The following IVD variants were observed in gnomAD, a reference collection of about 807,000 sequenced individuals.
IVD encodes isovaleryl-CoA dehydrogenase, also known as isovaleryl-CoA dehydrogenase, mitochondrial.
In IVD, 31 loss-of-function variants were observed where a neutral mutation model predicts 51.3. The observed-to-expected ratio is 0.60, with a 90% CI of 0.45 to 0.81. The LOEUF is 0.81. Ranked by LOEUF, IVD falls within the 40% of genes least tolerant of loss-of-function variation. IVD has a pLI of 0.00. For synonymous variants in IVD, 205 were observed against 219.4 expected, an observed-to-expected ratio of 0.93 and a Z score of 0.58; for missense variants, 475 against 552.0, an observed-to-expected ratio of 0.86 and a Z score of 1.40.
chr15:40,411,380 A>G, intron 5 of IVD, 27 bp downstream of exon 5: 1 of 1,611,548 alleles, frequency 6.2e-7, no homozygotes, highest in Non-Finnish European at 8.5e-7. Flanking sequence ...CTTGGGAGCC[A>G]AAATGGGCAG....
At chr15:40,411,497 T>C in intron 5 of IVD, 58 bp from the exon 6 acceptor site, 1 of 1,612,848 alleles carries the variant, frequency 6.2e-7, no homozygotes, top group African/African-American at 1.3e-5. Flanking sequence ...AGAAGGTCTA[T>C]GGCCTGGCTG....
At chr15:40,425,296 CAT>C (rs1241840363), downstream of IVD, among the ~76,000 whole-genome samples, 1 of 152,080 alleles carries the variant, frequency 6.6e-6, no homozygotes, top group African/African-American at 2.4e-5. Context: ...CCCTCCTTGA[CAT>C]ATTCTCCCCA....
At chr15:40,429,852 A>C (rs1003761767) in intron 7 of IVD, among the ~76,000 whole-genome samples, 4 of 152,236 alleles carry the variant, frequency 2.6e-5, no homozygotes, top group African/African-American at 9.6e-5. Context: ...TGGACTGCCG[A>C]AGCCAGAACT....
Position 40,420,313 on chromosome 15 carries a change from C to G in IVD, c.*2050C>G, listed in dbSNP as rs1206770743. 1 of 987,700 alleles carries G rather than the reference C, an allele frequency of 1.0e-6. No individual in the cohort carries two copies. Among genetic ancestry groups the G allele is most frequent in the Non-Finnish European group, 1.2e-6 (1 of 830,170 alleles). 61.2% of individuals were successfully genotyped at this position (987,700 alleles called of 1,614,324 possible). A position where few individuals can be genotyped will look rare whatever the true frequency, so the allele number is the denominator to read the frequency against. On this transcript the variant is annotated 3_prime_UTR_variant, in exon 12 of 12. Transcript: ENST00000487418. ...CTGGGCAGCAGGCACAGGCCCTACCCGAGCAGGCCGGAGTTGGCTCGCATG... is the reference window on the plus strand; with the variant it reads ...CTGGGCAGCAGGCACAGGCCCTACCGGAGCAGGCCGGAGTTGGCTCGCATG...
rs567574251 is a variant in IVD, at chr15:40,412,278, T to G, written c.687+587T>G. Reference sequence around the variant, plus strand: ...AGAAGAGAGAAGGATGGGTTACAGGTGATGGTGCAGGAACCACTTGCCTAA... The same window carrying G: ...AGAAGAGAGAAGGATGGGTTACAGGGGATGGTGCAGGAACCACTTGCCTAA... On this transcript the variant is annotated intron_variant, in intron 6 of 11. Transcript: ENST00000487418. 2.0e-5 allele frequency among the ~76,000 whole-genome samples: 3 copies of G among 151,856 alleles called. No individual in the cohort carries two copies. The South Asian group carries it at 6.3e-4, about 32-fold the overall frequency.
chr15:40,431,000 T>C (rs1434245335), intron 7 of IVD, among the ~76,000 whole-genome samples: 1 of 152,210 alleles, frequency 6.6e-6, no homozygotes, highest in Non-Finnish European at 1.5e-5. Flanking sequence ...TTGAATGAGT[T>C]GCTAACAGAC....
In IVD at chr15:40,409,768, T is replaced by C. The variant is rs527663390; in HGVS notation, c.287-860T>C. On this transcript the variant is annotated intron_variant, in intron 3 of 11. Coordinates refer to ENST00000487418, the MANE Select transcript of IVD (RefSeq NM_002225.5). The stretch of plus-strand genomic sequence containing the variant: ...CCAGCATCTCATCTGCCCTCTGCTG[T>C]ACAGCTCACCTCAAGATTTTCCCTG... Among the ~76,000 whole-genome samples the C allele has an allele frequency of 1.3e-3, 198 of 152,144 alleles. 1 individual carries two copies. The highest frequency in any genetic ancestry group is 4.7e-3 in the African/African-American group (194 of 41,508).
chr15:40,416,290 G>C lies in IVD; in HGVS notation c.1066G>C (p.Asp356His). 1 of 1,614,236 alleles carries C rather than the reference G, an allele frequency of 6.2e-7. No homozygotes were observed. Residue 356 changes from aspartate to histidine, a missense_variant and splice_region_variant, in exon 11 of 12, where the codon GAC (aspartate) becomes CAC (histidine). By Grantham distance (81) the Asp-to-His change is moderately conservative (BLOSUM62 -1). Coordinates refer to ENST00000487418, the MANE Select transcript of IVD (RefSeq NM_002225.5). Reference sequence around the variant, plus strand: ...TGCTGACCCCAGCTTCCTCCCGTAGGACTGTGCAGGTGTGATTCTTTACTC... The same window carrying C: ...TGCTGACCCCAGCTTCCTCCCGTAGCACTGTGCAGGTGTGATTCTTTACTC... ...ACDEGHCTAK[D>H]CAGVILYSAE... is the part of the protein sequence containing the mutation.
In IVD at chr15:40,421,222, T is replaced by A; in HGVS notation, c.*2959T>A. On this transcript the variant is annotated 3_prime_UTR_variant, in exon 12 of 12. Transcript: ENST00000487418. ...CTTCATCCAGTCTGTCTAAGCCCTG[T>A]CGACTTGGGGAGGTGATTTCTTTCC... The A allele has an allele frequency of 7.1e-6, 7 of 985,462 alleles. No individual in the cohort carries two copies. Among genetic ancestry groups the A allele is most frequent in the Non-Finnish European group, 8.4e-6 (7 of 829,928 alleles). The allele number at this position is 985,462 out of a possible 1,614,324, so 61.0% of individuals were successfully genotyped here.
In IVD at chr15:40,420,528, G is replaced by T. The variant is rs1595806261; in HGVS notation, c.*2265G>T. On this transcript the variant is annotated 3_prime_UTR_variant, in exon 12 of 12. Coordinates refer to ENST00000487418, the MANE Select transcript of IVD (RefSeq NM_002225.5). ...TGTCCTTGGAGAGTGGCTGGCCCAG[G>T]TCCTATTCCTGTCCTCCAGCCCGTT... The T allele has an allele frequency of 1.0e-6, 1 of 987,648 alleles. No individual in the cohort carries two copies. Among genetic ancestry groups the T allele is most frequent in the Non-Finnish European group, 1.2e-6 (1 of 830,136 alleles). 61.2% of individuals were successfully genotyped at this position (987,648 alleles called of 1,614,324 possible). A position where few individuals can be genotyped will look rare whatever the true frequency, so the allele number is the denominator to read the frequency against.
chr15:40,407,682 A>G lies in IVD; in HGVS notation c.191A>G (p.Lys64Arg), dbSNP rs1890593044. Residue 64 changes from lysine (K) to arginine (R), a missense_variant, in exon 2 of 12, where the codon AAG becomes AGG. By Grantham distance (26) the Lys-to-Arg change is conservative. Coordinates refer to ENST00000487418, the MANE Select transcript of IVD (RefSeq NM_002225.5). ...TTCCTTCAGGAGCACCTGGCCCCCA[A>G]GGCCCAGGAGATCGATCGCAGCAAT... The part of the protein sequence containing the change: ...AKFLQEHLAP[K>R]AQEIDRSNEF... 6.2e-7 allele frequency: 1 copy of G among 1,614,180 alleles called. No homozygotes were observed. The highest frequency in any genetic ancestry group is 8.5e-7 in the Non-Finnish European group (1 of 1,180,022).
At position 40,415,489 on chromosome 15, in the gene IVD, C is replaced by T. The variant is rs113361784; in HGVS notation, c.960+7C>T. ...GAAGATCGGCCACTTCCAGGTGAGC[C>T]GAGTGCTTTTGCTGACATGTACTCT... is the stretch of plus-strand genomic sequence containing the variant. On this transcript the variant is annotated splice_region_variant and intron_variant, in intron 9 of 11. Transcript: ENST00000487418. 33 of 1,613,126 alleles carry T rather than the reference C, an allele frequency of 2.0e-5. 1 individual carries two copies. The highest frequency in any genetic ancestry group is 1.6e-4 in the African/African-American group (12 of 75,024).
In IVD at chr15:40,405,843, C is replaced by T. The variant is rs781264248; in HGVS notation, c.16C>T (p.Arg6Trp). Residue 6 changes from arginine (R) to tryptophan (W), a missense_variant, in exon 1 of 12, where the codon CGG becomes TGG. Coordinates refer to ENST00000487418, the MANE Select transcript of IVD (RefSeq NM_002225.5). MATAT[R>W]LLGWRVASWR... is the part of the protein sequence containing the mutation. Reference sequence around the variant, plus strand: ...CATGGCAGAGATGGCGACTGCGACTCGGCTGCTGGGGTGGCGTGTGGCGAG... The same window carrying T: ...CATGGCAGAGATGGCGACTGCGACTTGGCTGCTGGGGTGGCGTGTGGCGAG... 8 of 1,612,282 alleles carry T rather than the reference C, an allele frequency of 5.0e-6. No homozygotes were observed. Among genetic ancestry groups the T allele is most frequent in the South Asian group, 3.3e-5 (3 of 90,986 alleles).
At position 40,420,400 on chromosome 15, in the gene IVD, C is replaced by T. The variant is rs1183922460; in HGVS notation, c.*2137C>T. ...TACCCTATGGCTAATTTTGTTATAA[C>T]TGCACAGTGGCTGCTGCCATTTTGT... On this transcript the variant is annotated 3_prime_UTR_variant, in exon 12 of 12. Coordinates refer to ENST00000487418, the MANE Select transcript of IVD (RefSeq NM_002225.5). The T allele has an allele frequency of 3.0e-6, 3 of 987,544 alleles. No homozygotes were observed. Among genetic ancestry groups the T allele is most frequent in the South Asian group, 4.7e-5 (1 of 21,388 alleles). The allele number at this position is 987,544 out of a possible 1,614,324, so 61.2% of individuals were successfully genotyped here.
intron 7 of IVD, chr15:40,433,809 G>T (rs748267217): frequency 5.5e-5 from 25 of 456,304 alleles, no homozygotes; most frequent in Non-Finnish European, 1.1e-4. Context: ...ACCTAGAAGA[G>T]CCCACAAACT....
At chr15:40,410,368 A>C (rs1890935323) in intron 3 of IVD, among the ~76,000 whole-genome samples, 1 of 152,108 alleles carries the variant, frequency 6.6e-6, no homozygotes, top group Non-Finnish European at 1.5e-5. Flanking sequence ...TATCTTCATC[A>C]AGAAGTCTGT....
rs370375310 is a variant in IVD, at chr15:40,410,602, A to G, written c.287-26A>G. On this transcript the variant is annotated intron_variant, in intron 3 of 11. Coordinates refer to ENST00000487418, the MANE Select transcript of IVD (RefSeq NM_002225.5). ...CGATTTAATCTGGGCTGCGTTTTCC[A>G]CTCCCTTGTACCACACCACTCACAG... 2.5e-4 allele frequency: 398 copies of G among 1,613,700 alleles called. 1 individual carries two copies. The highest frequency in any genetic ancestry group is 1.9e-3 in the Middle Eastern group (11 of 5,916).
At chr15:40,410,537 T>C in intron 3 of IVD, 91 bp from the exon 4 acceptor site, 1 of 1,458,584 alleles carries the variant, frequency 6.9e-7, no homozygotes, top group South Asian at 1.1e-5. Flanking sequence ...ACAAGGTGCT[T>C]CCCTTCTGCC....
At chr15:40,416,664 T>C (rs1292819659) in intron 11 of IVD, among the ~76,000 whole-genome samples, 3 of 152,074 alleles carry the variant, frequency 2.0e-5, no homozygotes, top group African/African-American at 7.2e-5. Context: ...ACCATTGCAC[T>C]CCAGCCTAGG....
Sources: gnomAD v4.1 joint callset for allele counts (sites outside exome capture counted in the v4.1 genomes callset) on GRCh38, gnomAD v4.1.1 for gene constraint, MANE v1.5 for transcripts, NCBI Gene and HGNC (gene_info 2026-07-23, HGNC 2026-07-21) for gene names.